MRC1: variants seen among roughly 807,000 people sequenced by gnomAD.
The protein encoded by MRC1 is mannose receptor C-type 1.
Under a neutral mutation model 102.9 loss-of-function variants are expected in MRC1, and 62 were observed. That is an observed-to-expected ratio of 0.60 (90% CI 0.49 to 0.74). The LOEUF (loss-of-function observed/expected upper bound fraction) is 0.74. Among genes scored for constraint, MRC1 ranks in the 30% least tolerant of loss-of-function variants. MRC1 has a pLI of 0.00. For synonymous variants in MRC1, 457 were observed against 298.4 expected (o/e 1.53, Z -5.48); for missense variants, 1,237 against 862.8 (o/e 1.43, Z -5.43).
At chr10:17,826,212 T>G (rs36010443) in intron 2 of MRC1, among the ~76,000 whole-genome samples, 13,188 of 152,162 alleles carry the variant, frequency 0.087, 1,295 homozygotes, top group African/African-American at 0.24. Flanking sequence ...TTTTTAAGAT[T>G]TATTTTTTGA....
intron 1 of MRC1, among the ~76,000 whole-genome samples, chr10:17,821,812 T>C (rs1258366290): frequency 6.6e-6 from 1 of 152,184 alleles, no homozygotes; most frequent in Non-Finnish European, 1.5e-5. Flanking sequence ...TTCGCTGGAA[T>C]TATTTAATTA....
chr10:17,832,009 A>G (rs1174699648), intron 3 of MRC1, among the ~76,000 whole-genome samples: 4 of 151,688 alleles, frequency 2.6e-5, no homozygotes, highest in Non-Finnish European at 5.9e-5. Flanking sequence ...CTCCACCTGT[A>G]TTAAATATAT....
intron 22 of MRC1, among the ~76,000 whole-genome samples, chr10:17,891,906 C>G (rs1044145667): frequency 6.6e-6 from 1 of 152,110 alleles, no homozygotes; most frequent in Non-Finnish European, 1.5e-5. Context: ...GGAAGTATTT[C>G]GTAGTCCTAT....
intron 1 of MRC1, among the ~76,000 whole-genome samples, chr10:17,813,680 C>T (rs1299812838): frequency 7.7e-6 from 1 of 129,364 alleles, no homozygotes; most frequent in Non-Finnish European, 1.6e-5. Context: ...CACACACACA[C>T]ATTATATATA....
In MRC1 at chr10:17,839,346, C is replaced by T. The variant is rs1589171567; in HGVS notation, c.803-1347C>T. On this transcript the variant is annotated intron_variant, in intron 4 of 29. Transcript: ENST00000569591. ...TTTAAAACTTAAATACACTTATTTT[C>T]GTAATTAAGTTTTTTAAAATCCCTG... Among the ~76,000 whole-genome samples, 7 of 152,186 alleles carry T rather than the reference C, an allele frequency of 4.6e-5. 2 individuals are homozygous for T.
intron 22 of MRC1, 139 bp downstream of exon 22, chr10:17,885,574 G>C: frequency 6.0e-6 from 4 of 671,654 alleles, no homozygotes; most frequent in Non-Finnish European, 1.1e-5. Context: ...ACCTATTTCA[G>C]ACTGAGCTGA....
chr10:17,859,315 CTTG>C (rs1295370231), intron 9 of MRC1, among the ~76,000 whole-genome samples: 22 of 151,822 alleles, frequency 1.4e-4, no homozygotes, highest in Admixed American at 7.9e-4. Context: ...TCTCATATGG[CTTG>C]TTGTTGTTGT....
intron 9 of MRC1, among the ~76,000 whole-genome samples, chr10:17,859,409 A>G (rs1833145410): frequency 6.6e-6 from 1 of 151,992 alleles, no homozygotes; most frequent in South Asian, 2.1e-4. Flanking sequence ...CCTCTACCAC[A>G]TGGGTTCACA....
intron 22 of MRC1, among the ~76,000 whole-genome samples, chr10:17,891,283 C>T (rs1833671366): frequency 6.6e-6 from 1 of 151,776 alleles, no homozygotes; most frequent in Non-Finnish European, 1.5e-5. Context: ...TCTCCTGCCT[C>T]ATCCTCCCGA....
intron 26 of MRC1, among the ~76,000 whole-genome samples, chr10:17,905,707 G>A (rs975762283): frequency 2.0e-5 from 3 of 152,066 alleles, no homozygotes; most frequent in Non-Finnish European, 4.4e-5. Context: ...AAAACAAGGC[G>A]ATAATTCAGA....
chr10:17,898,809 T>C (rs988363109), intron 24 of MRC1, among the ~76,000 whole-genome samples: 26 of 152,318 alleles, frequency 1.7e-4, no homozygotes, highest in African/African-American at 5.8e-4. Flanking sequence ...CTAAGAATGC[T>C]GATAGAGTTG....
intron 17 of MRC1, among the ~76,000 whole-genome samples, chr10:17,877,054 A>G (rs918072710): frequency 6.6e-5 from 10 of 150,560 alleles, no homozygotes; most frequent in African/African-American, 2.2e-4. Flanking sequence ...GATGTTTTCT[A>G]ATATTGCACA....
chr10:17,878,503 A>G (rs1833468042), intron 18 of MRC1, among the ~76,000 whole-genome samples: 1 of 152,090 alleles, frequency 6.6e-6, no homozygotes, highest in African/African-American at 2.4e-5. Flanking sequence ...AAATGAATAC[A>G]TTTTATGTTC....
intron 22 of MRC1, among the ~76,000 whole-genome samples, chr10:17,891,135 A>T (rs1345122511): frequency 3.7e-4 from 24 of 64,582 alleles, no homozygotes; most frequent in Admixed American, 2.9e-3. Flanking sequence ...CACTAGTTTT[A>T]TTTATTTATT....
At chr10:17,845,565 T>A in intron 6 of MRC1, 130 bp downstream of exon 6, 1 of 722,270 alleles carries the variant, frequency 1.4e-6, no homozygotes. Flanking sequence ...AACTTAATGA[T>A]ATTACTGCAA....
intron 23 of MRC1, among the ~76,000 whole-genome samples, chr10:17,895,667 G>A (rs907049654): frequency 2.0e-5 from 3 of 152,020 alleles, no homozygotes; most frequent in Non-Finnish European, 4.4e-5. Context: ...CAATTAAGAT[G>A]GTGTTTATAT....
intron 1 of MRC1, among the ~76,000 whole-genome samples, chr10:17,814,655 T>C (rs1416487067): frequency 1.3e-5 from 2 of 148,860 alleles, no homozygotes; most frequent in African/African-American, 4.9e-5. Flanking sequence ...TGCAGTTCCG[T>C]GTTCTCGGTC....
chr10:17,827,911 A>G (rs1211112418), intron 3 of MRC1, among the ~76,000 whole-genome samples, 196 bp downstream of exon 3: 3 of 152,164 alleles, frequency 2.0e-5, no homozygotes. Flanking sequence ...GCTGAAGACT[A>G]GAACACAGAT....
intron 2 of MRC1, among the ~76,000 whole-genome samples, chr10:17,825,645 C>A (rs1838464152): frequency 6.6e-6 from 1 of 152,108 alleles, no homozygotes; most frequent in Non-Finnish European, 1.5e-5. Context: ...GAGGTGGGAG[C>A]ATTACTTGAG....
Sources: allele counts gnomAD v4.1 joint callset (sites outside exome capture counted in the v4.1 genomes callset), GRCh38; gene constraint gnomAD v4.1.1; transcripts MANE v1.5; gene names NCBI Gene and HGNC (gene_info 2026-07-23, HGNC 2026-07-21).